MAGED1: variants seen among roughly 807,000 people sequenced by gnomAD.
MAGED1 encodes melanoma-associated antigen D1.
Under a neutral mutation model 54.1 loss-of-function variants are expected in MAGED1, and 3 were observed. The ratio of observed to expected loss-of-function variants is 0.06; its 90% CI spans 0.03 to 0.14. The LOEUF is 0.14. Ranked by LOEUF, MAGED1 falls within the 10% of genes least tolerant of loss-of-function variation. MAGED1 has a pLI of 1.00. For synonymous variants in MAGED1, 217 were observed against 227.3 expected, an observed-to-expected ratio of 0.95 and a Z score of 0.41; for missense variants, 485 against 623.4, an observed-to-expected ratio of 0.78 and a Z score of 2.36.
At chrX:51,852,815 G>C (rs1277599441) in intron 1 of MAGED1, among the ~76,000 whole-genome samples, 1 of 111,965 alleles carries the variant, frequency 8.9e-6, no homozygotes, top group East Asian at 2.8e-4. Context: ...TGTAAAGCTA[G>C]GCTCTGGAAT....
intron 1 of MAGED1, among the ~76,000 whole-genome samples, chrX:51,883,930 A>G (rs1488492264): frequency 8.9e-6 from 1 of 112,106 alleles, no homozygotes; most frequent in Non-Finnish European, 1.9e-5. Context: ...TGAAGATAGA[A>G]CAATAGAAAT....
At chrX:51,897,772 A>G in intron 6 of MAGED1, 23 bp from the exon 7 acceptor site, 1 of 1,145,980 alleles carries the variant, frequency 8.7e-7, no homozygotes, top group Non-Finnish European at 1.2e-6. Flanking sequence ...GTAATTTCAT[A>G]GTCTGTTTTC....
intron 1 of MAGED1, among the ~76,000 whole-genome samples, chrX:51,815,591 C>T (rs782697892): frequency 2.1e-4 from 23 of 108,302 alleles, no homozygotes; most frequent in Non-Finnish European, 4.0e-4. Context: ...GGTGCAATCT[C>T]GGCTCACTGT....
intron 1 of MAGED1, among the ~76,000 whole-genome samples, chrX:51,887,083 C>A (rs1557362892): frequency 3.0e-5 from 1 of 33,631 alleles, no homozygotes; most frequent in South Asian, 3.4e-3. Flanking sequence ...AAAGAGAATA[C>A]AATGACTCAA....
intron 1 of MAGED1, among the ~76,000 whole-genome samples, chrX:51,884,396 A>G (rs1928170009): frequency 8.9e-6 from 1 of 112,245 alleles, no homozygotes; most frequent in Admixed American, 9.4e-5. Flanking sequence ...TAAATACCCA[A>G]TGAAAATAAA....
At chrX:51,890,803 G>A (rs1380533605), upstream of MAGED1, among the ~76,000 whole-genome samples, 1 of 94,613 alleles carries the variant, frequency 1.1e-5, no homozygotes, top group Non-Finnish European at 2.1e-5. Context: ...AAACCATAAG[G>A]AGATACCAAT....
rs782278863 is a variant in MAGED1 at position 51,896,613 on chromosome X, C to T, written c.958C>T (p.Arg320Cys). The T allele has an allele frequency of 2.1e-5, 26 of 1,210,045 alleles. No homozygotes were observed. In the Admixed American group the frequency reaches 2.4e-4, roughly 11 times the overall value. Residue 320 changes from arginine to cysteine, a missense_variant, in exon 4 of 13, where the codon CGT (arginine) becomes TGT (cysteine). Arg to Cys is a radical substitution (Grantham distance 180, BLOSUM62 -3). Coordinates refer to ENST00000326587, the MANE Select transcript of MAGED1 (RefSeq NM_006986.4). Reference protein sequence around the residue: ...NQTARQTPPARQSPPARQTPP... With the variant: ...NQTARQTPPACQSPPARQTPP... ...GACAGCCAGGCAGACCCCACCAGCA[C>T]GTCAGAGCCCTCCAGCTAGGCAGAC... is the stretch of plus-strand genomic sequence containing the variant.
intron 1 of MAGED1, among the ~76,000 whole-genome samples, chrX:51,813,176 A>G (rs1405648477): frequency 1.8e-5 from 2 of 108,686 alleles, no homozygotes; most frequent in African/African-American, 6.7e-5. Flanking sequence ...GGCATGTGCC[A>G]CCATGCCTGG....
chrX:51,812,733 C>T (rs1197263733), intron 1 of MAGED1, among the ~76,000 whole-genome samples: 1 of 110,980 alleles, frequency 9.0e-6, no homozygotes, highest in Admixed American at 9.6e-5. Flanking sequence ...TTCTGGTATA[C>T]GTTTTTGTGC....
chrX:51,897,303 G>T (rs1928803231), intron 5 of MAGED1, 32 bp downstream of exon 5: 1 of 1,162,785 alleles, frequency 8.6e-7, no homozygotes, highest in African/African-American at 1.8e-5. Flanking sequence ...CCCAAGCTCT[G>T]CCCTTCCCTT....
chrX:51,844,117 T>C (rs185232684), intron 1 of MAGED1, among the ~76,000 whole-genome samples: 26 of 111,884 alleles, frequency 2.3e-4, no homozygotes, highest in African/African-American at 7.5e-4. Context: ...ATTTTATTGC[T>C]CCTCTCTTAG....
At chrX:51,889,511 C>CCAGTTACT (rs1190254692), upstream of MAGED1, among the ~76,000 whole-genome samples, 1 of 106,656 alleles carries the variant, frequency 9.4e-6, no homozygotes, top group Non-Finnish European at 1.9e-5. Context: ...GCCTGTAATC[C>CCAGTTACT]CAGTTACTCG....
chrX:51,826,860 C>T (rs1237795939), intron 1 of MAGED1, among the ~76,000 whole-genome samples: 2 of 112,215 alleles, frequency 1.8e-5, no homozygotes, highest in South Asian at 3.7e-4. Flanking sequence ...CCATATGATC[C>T]AGCGATTGCG....
chrX:51,827,256 T>C lies in MAGED1; in HGVS notation c.-37+24139T>C, dbSNP rs782170164. Among the ~76,000 whole-genome samples, 14 of 101,316 alleles carry C rather than the reference T, an allele frequency of 1.4e-4. No homozygotes were observed. In the East Asian group the frequency reaches 4.1e-3, roughly 30 times the overall value. 88.0% of individuals were successfully genotyped at this position (101,316 alleles called of 115,157 possible). ...GCCTGGACAACAGAGCGAGTCCCTGTCTCAAAAAAACAAAGAAAAAAAAAA... is the reference window on the plus strand; with the variant it reads ...GCCTGGACAACAGAGCGAGTCCCTGCCTCAAAAAAACAAAGAAAAAAAAAA... On this transcript the variant is annotated intron_variant, in intron 1 of 12. Transcript: ENST00000375772.
intron 1 of MAGED1, among the ~76,000 whole-genome samples, chrX:51,843,908 A>C (rs1926593633): frequency 8.9e-6 from 1 of 111,967 alleles, no homozygotes. Flanking sequence ...TTGAATTGTT[A>C]GTAGAAACAT....
intron 6 of MAGED1, 44 bp from the exon 7 acceptor site, chrX:51,897,751 T>C: frequency 9.1e-7 from 1 of 1,096,322 alleles, no homozygotes; most frequent in Non-Finnish European, 1.3e-6. Flanking sequence ...GGGTAGCTTA[T>C]GCTAGATGTT....
rs374556290 is a variant in MAGED1 at position 51,897,791 on chromosome X, G to T, written c.1567-4G>T. 1.7e-6 allele frequency: 2 copies of T among 1,190,015 alleles called. No individual in the cohort carries two copies. The highest frequency in any genetic ancestry group is 3.5e-5 in the African/African-American group (2 of 56,409). On this transcript the variant is annotated splice_polypyrimidine_tract_variant and splice_region_variant and intron_variant, in intron 6 of 12. Transcript: ENST00000326587. ...TTTCATAGTCTGTTTTCTTGCCCCT[G>T]TAGAAATTTGGGATTCAACTGAAAG...
chrX:51,896,182 T>C lies in MAGED1; in HGVS notation c.754-227T>C, dbSNP rs138346171. ...GTACAGGCAGAACCAGTGGTGGACA[T>C]AGGAAGAGGAGAAGCCTCAGGCCCC... On this transcript the variant is annotated intron_variant, in intron 3 of 12. Coordinates refer to ENST00000326587, the MANE Select transcript of MAGED1 (RefSeq NM_006986.4). The C allele has an allele frequency of 9.5e-6, 4 of 423,051 alleles. No individual in the cohort carries two copies. In the African/African-American group the frequency reaches 1.0e-4, roughly 11 times the overall value. 34.9% of individuals were successfully genotyped at this position (423,051 alleles called of 1,213,427 possible). A position where few individuals can be genotyped will look rare whatever the true frequency, so the allele number is the denominator to read the frequency against.
chrX:51,829,004 A>G (rs1277625881), intron 1 of MAGED1, among the ~76,000 whole-genome samples: 6 of 111,032 alleles, frequency 5.4e-5, no homozygotes, highest in African/African-American at 2.0e-4. Context: ...GTTTGTGGCT[A>G]TTGCATTGGG....
Sources: gnomAD v4.1 joint callset for allele counts (sites outside exome capture counted in the v4.1 genomes callset) on GRCh38, gnomAD v4.1.1 for gene constraint, MANE v1.5 for transcripts, NCBI Gene and HGNC (gene_info 2026-07-23, HGNC 2026-07-21) for gene names.